GASK1A: variants seen among roughly 807,000 people sequenced by gnomAD.
GASK1A encodes the protein Golgi-associated kinase 1A.
Under a neutral mutation model 41.2 loss-of-function variants are expected in GASK1A, and 40 were observed. The observed-to-expected ratio is 0.97, with a 90% CI of 0.75 to 1.27. The LOEUF (loss-of-function observed/expected upper bound fraction) is 1.27. GASK1A is among the 50% of genes most tolerant of loss of function. The pLI is 0.00. For synonymous variants in GASK1A, 316 were observed against 307.1 expected, an observed-to-expected ratio of 1.03 and a Z score of -0.30; for missense variants, 678 against 745.1, an observed-to-expected ratio of 0.91 and a Z score of 1.05.
chr3:42,983,595 A>C (rs1318222143), intron 1 of GASK1A, among the ~76,000 whole-genome samples: 1 of 152,186 alleles, frequency 6.6e-6, no homozygotes, highest in Admixed American at 6.5e-5. Flanking sequence ...GGTCCTTGGA[A>C]TCTACTGCTG....
rs115903928 is a variant in GASK1A, at chr3:42,993,999, A to C, written c.3+14354A>C. Among the ~76,000 whole-genome samples, 1,181 of 152,290 alleles carry C rather than the reference A, an allele frequency of 7.8e-3. 15 individuals are homozygous for C. The highest frequency in any genetic ancestry group is 0.027 in the African/African-American group (1,134 of 41,556). ...AGATCCATAAATAAAGGTTCAGTGA[A>C]TCTGAGTCATGGCCAAGTCATGCAG... is the stretch of plus-strand genomic sequence containing the variant. On this transcript the variant is annotated intron_variant, in intron 1 of 4. Transcript: ENST00000430121.
At chr3:42,997,547 T>C (rs958453314) in intron 1 of GASK1A, among the ~76,000 whole-genome samples, 4 of 152,094 alleles carry the variant, frequency 2.6e-5, no homozygotes, top group African/African-American at 9.7e-5. Context: ...CTCTCCTCCA[T>C]GGGCTGTTCT....
chr3:43,014,416 G>A (rs1329337540), intron 1 of GASK1A, among the ~76,000 whole-genome samples: 1 of 151,624 alleles, frequency 6.6e-6, no homozygotes, highest in African/African-American at 2.4e-5. Context: ...ACAAGAAGGG[G>A]CAGTCTGAAG....
At chr3:43,054,482 T>C (rs949149299) in intron 3 of GASK1A, among the ~76,000 whole-genome samples, 2 of 152,172 alleles carry the variant, frequency 1.3e-5, no homozygotes, top group Admixed American at 1.3e-4. Flanking sequence ...AGGACAGCAG[T>C]TTCCAGAGGG....
intron 2 of GASK1A, among the ~76,000 whole-genome samples, chr3:43,036,321 G>A (rs1450153977): frequency 6.6e-6 from 1 of 152,222 alleles, no homozygotes; most frequent in Non-Finnish European, 1.5e-5. Flanking sequence ...GGCAGAGAGA[G>A]GCAGGGCTGT....
chr3:43,030,148 C>T (rs1351958744), intron 1 of GASK1A, among the ~76,000 whole-genome samples: 1 of 152,188 alleles, frequency 6.6e-6, no homozygotes, highest in Non-Finnish European at 1.5e-5. Context: ...TAGGATTACA[C>T]GCATGCGCCA....
At chr3:43,035,672 C>G (rs562031952) in intron 2 of GASK1A, among the ~76,000 whole-genome samples, 1 of 152,196 alleles carries the variant, frequency 6.6e-6, no homozygotes, top group Middle Eastern at 3.2e-3. Context: ...TAACATTGAT[C>G]ACGCATAGTT....
intron 1 of GASK1A, among the ~76,000 whole-genome samples, chr3:43,006,260 A>G (rs943519369): frequency 6.6e-6 from 1 of 152,070 alleles, no homozygotes; most frequent in African/African-American, 2.4e-5. Context: ...CCAGCATCCC[A>G]CGAGTCTCTT....
chr3:42,984,402 G>A lies in GASK1A; in HGVS notation c.3+4757G>A, dbSNP rs943906722. Among the ~76,000 whole-genome samples the A allele has an allele frequency of 4.6e-5, 7 of 151,728 alleles. No homozygotes were observed. The highest frequency in any genetic ancestry group is 7.3e-5 in the African/African-American group (3 of 41,266). On this transcript the variant is annotated intron_variant, in intron 1 of 4. Transcript: ENST00000430121. This position sits in a 1 kb window ranked among gnomAD's most constrained non-coding sequence, Gnocchi z 4.2. ...CATGTGCACGCACACACACACTCAC[G>A]CATGCACACATACTCTTGGGAGTGG...
intron 2 of GASK1A, among the ~76,000 whole-genome samples, chr3:43,044,189 C>T (rs570145129): frequency 6.6e-6 from 1 of 152,272 alleles, no homozygotes; most frequent in East Asian, 1.9e-4. Context: ...AAATCCAGGG[C>T]AGTTATTGCA....
At chr3:42,998,291 G>A (rs768047406) in intron 1 of GASK1A, among the ~76,000 whole-genome samples, 3 of 152,148 alleles carry the variant, frequency 2.0e-5, no homozygotes, top group African/African-American at 4.8e-5. Flanking sequence ...AGGAGAGGCT[G>A]AAGAAGAGGT....
intron 1 of GASK1A, among the ~76,000 whole-genome samples, chr3:43,031,801 T>C (rs1324540317): frequency 1.3e-5 from 2 of 152,160 alleles, no homozygotes; most frequent in African/African-American, 2.4e-5. Context: ...GCTGGCAAAG[T>C]CATCTCTAAC....
At position 42,984,730 on chromosome 3, in the gene GASK1A, A is replaced by G. The variant is rs2089299787; in HGVS notation, c.3+5085A>G. Among the ~76,000 whole-genome samples the G allele has an allele frequency of 6.6e-6, 1 of 152,202 alleles. No homozygotes were observed. Among genetic ancestry groups the G allele is most frequent in the Non-Finnish European group, 1.5e-5 (1 of 68,032 alleles). ...GGAAGAGGTACAGGCTCCTGCCTTT[A>G]AGGGTACCGCTTTGCTTTAGAGCAG... On this transcript the variant is annotated intron_variant, in intron 1 of 4. Coordinates refer to ENST00000430121, the MANE Select transcript of GASK1A (RefSeq NM_001129908.3). This position sits in a 1 kb window ranked among gnomAD's most constrained non-coding sequence, Gnocchi z 4.2.
chr3:43,035,185 G>C lies in GASK1A; in HGVS notation c.1290+1632G>C, dbSNP rs371026121. Among the ~76,000 whole-genome samples, 185 of 152,240 alleles carry C rather than the reference G, an allele frequency of 1.2e-3. 1 individual carries two copies. Among genetic ancestry groups the C allele is most frequent in the African/African-American group, 4.3e-3 (180 of 41,548 alleles). ...AGCTCTACTTTTCTCACCCCAAAATGGGGTTGTGCACCCCAACCTCATCCC... is the reference window on the plus strand; with the variant it reads ...AGCTCTACTTTTCTCACCCCAAAATCGGGTTGTGCACCCCAACCTCATCCC... On this transcript the variant is annotated intron_variant, in intron 2 of 4. Coordinates refer to ENST00000430121, the MANE Select transcript of GASK1A (RefSeq NM_001129908.3).
intron 1 of GASK1A, among the ~76,000 whole-genome samples, chr3:43,006,097 G>C (rs2089434728): frequency 1.3e-5 from 2 of 151,830 alleles, no homozygotes; most frequent in Non-Finnish European, 2.9e-5. Flanking sequence ...TTTTTTTCAT[G>C]TACTTATCAC....
In GASK1A at chr3:43,052,388, T is replaced by G. The variant is rs115728989; in HGVS notation, c.1291-1133T>G. 2.7e-3 allele frequency among the ~76,000 whole-genome samples: 416 copies of G among 152,272 alleles called. 1 individual carries two copies. Among genetic ancestry groups the G allele is most frequent in the Non-Finnish European group, 3.8e-3 (256 of 68,016 alleles). On this transcript the variant is annotated intron_variant, in intron 2 of 4. Transcript: ENST00000430121. Reference sequence around the variant, plus strand: ...CTTCACCTTCTCTATTCCTCTGTCCTCCTCCTTCCACAGCAAGAAACTAAC... The same window carrying G: ...CTTCACCTTCTCTATTCCTCTGTCCGCCTCCTTCCACAGCAAGAAACTAAC...
At chr3:43,037,431 GTCTT>G in intron 2 of GASK1A, 1 of 858,060 alleles carries the variant, frequency 1.2e-6, no homozygotes, top group African/African-American at 1.7e-5. Flanking sequence ...GGAGGCAGCT[GTCTT>G]AAATAAAGAA....
chr3:42,987,124 G>T (rs2089315888), intron 1 of GASK1A, among the ~76,000 whole-genome samples: 1 of 152,362 alleles, frequency 6.6e-6, no homozygotes, highest in Admixed American at 6.5e-5. Context: ...GCGCAGAGGG[G>T]TGCCTCCTTG....
chr3:42,994,134 A>G (rs112193562), intron 1 of GASK1A, among the ~76,000 whole-genome samples: 99 of 152,314 alleles, frequency 6.5e-4, no homozygotes, highest in Admixed American at 2.0e-3. Context: ...TTGCATTTTG[A>G]TATCTAGTCT....
Sources: gnomAD v4.1 joint callset for allele counts (sites outside exome capture counted in the v4.1 genomes callset) on GRCh38, gnomAD v4.1.1 for gene constraint, Gnocchi (gnomAD v3.1) non-coding constraint, MANE v1.5 for transcripts, NCBI Gene and HGNC (gene_info 2026-07-23, HGNC 2026-07-21) for gene names.